The following NUBP1 variants were observed in gnomAD, a reference collection of about 807,000 sequenced individuals.
NUBP1 encodes the protein cytosolic Fe-S cluster assembly factor NUBP1.
In NUBP1, 46 loss-of-function variants were observed where a neutral mutation model predicts 41.8. The observed-to-expected ratio is 1.10, with a 90% CI of 0.87 to 1.41. The LOEUF (loss-of-function observed/expected upper bound fraction) is 1.41. NUBP1 is among the 40% of genes most tolerant of loss of function. The pLI, the probability that NUBP1 is intolerant of heterozygous loss-of-function variation, is 0.00. For synonymous variants in NUBP1, 189 were observed against 154.6 expected (o/e 1.22, Z -1.65); for missense variants, 494 against 414.0 (o/e 1.19, Z -1.68).
chr16:10,744,130 G>C (rs1043500721), intron 2 of NUBP1, 65 bp downstream of exon 2: 1 of 1,235,316 alleles, frequency 8.1e-7, no homozygotes, highest in African/African-American at 1.6e-5. Flanking sequence ...CGGGGCGTGG[G>C]AGGGAGGGGG....
In NUBP1 at chr16:10,759,843, C is replaced by T. The variant is rs1000498411; in HGVS notation, c.607-1521C>T. On this transcript the variant is annotated intron_variant, in intron 7 of 10. Transcript: ENST00000283027. The surrounding 1 kb of genome is among the most constrained non-coding windows in gnomAD (Gnocchi z 4.7). ...TGACTTTCTAGCTGAGCGCCCCTTCCTCCGCATCCCAGCCTCAGTGTCAAG... is the reference window on the plus strand; with the variant it reads ...TGACTTTCTAGCTGAGCGCCCCTTCTTCCGCATCCCAGCCTCAGTGTCAAG... Among the ~76,000 whole-genome samples the T allele has an allele frequency of 6.6e-6, 1 of 152,206 alleles. No homozygotes were observed. Among genetic ancestry groups the T allele is most frequent in the African/African-American group, 2.4e-5 (1 of 41,452 alleles).
chr16:10,748,472 C>T (rs984835221), intron 3 of NUBP1, among the ~76,000 whole-genome samples: 4 of 152,210 alleles, frequency 2.6e-5, no homozygotes, highest in South Asian at 2.1e-4. Flanking sequence ...GTTGGTGGGT[C>T]GCTAAGAGCA....
intron 9 of NUBP1, among the ~76,000 whole-genome samples, chr16:10,764,548 T>TGTCTATTG (rs2030558489): frequency 6.7e-6 from 1 of 148,330 alleles, no homozygotes. Context: ...CTGGAGTATT[T>TGTCTATTG]GTCTATTGGA....
In NUBP1 at chr16:10,763,291, C is replaced by T. The variant is rs186493435; in HGVS notation, c.820+1432C>T. On this transcript the variant is annotated intron_variant, in intron 9 of 10. Coordinates refer to ENST00000283027, the MANE Select transcript of NUBP1 (RefSeq NM_002484.4). The stretch of plus-strand genomic sequence containing the variant: ...GACATGGACAGGATTGCCAAGGGGC[C>T]GTGCAGAAAGCGGGAGCCAGGAGGA... Among the ~76,000 whole-genome samples, 65 of 151,916 alleles carry T rather than the reference C, an allele frequency of 4.3e-4. 1 individual carries two copies. The highest frequency in any genetic ancestry group is 4.2e-4 in the South Asian group (2 of 4,792).
chr16:10,765,327 TA>T lies in NUBP1; in HGVS notation c.821-2600del, dbSNP rs533208449. 0.031 allele frequency among the ~76,000 whole-genome samples: 3,471 copies of T among 111,226 alleles called. 45 individuals are homozygous for T. The highest frequency in any genetic ancestry group is 0.054 in the Middle Eastern group (10 of 186). The allele number at this position is 111,226 out of a possible 152,430, so 73.0% of individuals were successfully genotyped here. ...TAACACAGGAAGATACCTCATCTCT[TA>T]AAAAAAAAAAAAAAAAAAAAAGGAA... On this transcript the variant is annotated intron_variant, in intron 9 of 10. Transcript: ENST00000283027. This position sits in a 1 kb window ranked among gnomAD's most constrained non-coding sequence, Gnocchi z 4.0.
At chr16:10,755,837 G>C in intron 5 of NUBP1, 84 bp downstream of exon 5, 1 of 1,281,298 alleles carries the variant, frequency 7.8e-7, no homozygotes, top group African/African-American at 1.5e-5. Flanking sequence ...TGGTCCATAG[G>C]TATTTATTAG....
intron 9 of NUBP1, among the ~76,000 whole-genome samples, chr16:10,762,299 G>A (rs774951912): frequency 3.3e-5 from 5 of 152,202 alleles, no homozygotes; most frequent in Non-Finnish European, 7.4e-5. Context: ...CTCCAGCACC[G>A]GGACAGACCG....
Position 10,767,867 on chromosome 16 carries a change from A to G in NUBP1, c.821-82A>G. On this transcript the variant is annotated intron_variant, in intron 9 of 10. Coordinates refer to ENST00000283027, the MANE Select transcript of NUBP1 (RefSeq NM_002484.4). This position sits in a 1 kb window ranked among gnomAD's most constrained non-coding sequence, Gnocchi z 4.6. ...GGCTCAAGATCTTCCCATTGTCACC[A>G]GCACGGAAAGAGCCCCAAGATCTTG... 7.8e-7 allele frequency: 1 copy of G among 1,281,146 alleles called. No individual in the cohort carries two copies. Among genetic ancestry groups the G allele is most frequent in the South Asian group, 1.2e-5 (1 of 83,738 alleles). The allele number at this position is 1,281,146 out of a possible 1,614,324, so 79.4% of individuals were successfully genotyped here.
intron 7 of NUBP1, 25 bp from the exon 8 acceptor site, chr16:10,761,339 A>G (rs1201236221): frequency 6.2e-7 from 1 of 1,606,570 alleles, no homozygotes; most frequent in Non-Finnish European, 8.5e-7. Context: ...TGATGCTGGA[A>G]TCACTGGTCT....
Position 10,766,897 on chromosome 16 carries a change from AG to A in NUBP1, c.821-1051del, listed in dbSNP as rs1313835142. 2.5e-6 allele frequency: 1 copy of A among 398,652 alleles called. No homozygotes were observed. Among genetic ancestry groups the A allele is most frequent in the Admixed American group, 4.4e-5 (1 of 22,734 alleles). The allele number at this position is 398,652 out of a possible 1,614,324, so 24.7% of individuals were successfully genotyped here. A position where few individuals can be genotyped will look rare whatever the true frequency, so the allele number is the denominator to read the frequency against. On this transcript the variant is annotated intron_variant, in intron 9 of 10. Coordinates refer to ENST00000283027, the MANE Select transcript of NUBP1 (RefSeq NM_002484.4). The surrounding 1 kb of genome is among the most constrained non-coding windows in gnomAD (Gnocchi z 4.8). ...AGAGGACATTTCCTGTTATGGCTCA[AG>A]TGCGAATTGGCCTTATGTTCCCTGC... is the stretch of plus-strand genomic sequence containing the variant.
chr16:10,768,556 G>A lies in NUBP1; in HGVS notation c.905-491G>A, dbSNP rs560148015. The A allele has an allele frequency of 5.7e-5, 9 of 157,350 alleles. No homozygotes were observed. Among genetic ancestry groups the A allele is most frequent in the East Asian group, 5.6e-4 (3 of 5,340 alleles). 9.7% of individuals were successfully genotyped at this position (157,350 alleles called of 1,614,324 possible). Reference sequence around the variant, plus strand: ...TGGGAGGCGGAGGCTGCAGTAAGGCGAGATCGCGCCACTGCACTCCAGCCT... The same window carrying A: ...TGGGAGGCGGAGGCTGCAGTAAGGCAAGATCGCGCCACTGCACTCCAGCCT... On this transcript the variant is annotated intron_variant, in intron 10 of 10. Transcript: ENST00000283027. The surrounding 1 kb of genome is among the most constrained non-coding windows in gnomAD (Gnocchi z 4.3).
In NUBP1 at chr16:10,759,911, G is replaced by A. The variant is rs1900827271; in HGVS notation, c.607-1453G>A. ...AGGAAAAGAACAGGCCCAAAGCTGC[G>A]AGCCTTTCGGGCTCACGTGAGTGGT... is the stretch of plus-strand genomic sequence containing the variant. On this transcript the variant is annotated intron_variant, in intron 7 of 10. Transcript: ENST00000283027. The surrounding 1 kb of genome is among the most constrained non-coding windows in gnomAD (Gnocchi z 4.7). 6.6e-6 allele frequency among the ~76,000 whole-genome samples: 1 copy of A among 152,210 alleles called. No individual in the cohort carries two copies. Among genetic ancestry groups the A allele is most frequent in the Non-Finnish European group, 1.5e-5 (1 of 68,038 alleles).
rs922837582 is a variant in NUBP1, at chr16:10,766,823, A to G, written c.821-1126A>G. On this transcript the variant is annotated intron_variant, in intron 9 of 10. Transcript: ENST00000283027. This position sits in a 1 kb window ranked among gnomAD's most constrained non-coding sequence, Gnocchi z 4.8. ...ACTTGAGGTACGCCCTATATAAACGAAAAGGATGAAGTAAAGTTACAAAGT... is the reference window on the plus strand; with the variant it reads ...ACTTGAGGTACGCCCTATATAAACGGAAAGGATGAAGTAAAGTTACAAAGT... The G allele has an allele frequency of 2.3e-5, 9 of 397,638 alleles. No homozygotes were observed. The highest frequency in any genetic ancestry group is 6.2e-4 in the Middle Eastern group (1 of 1,610). 24.6% of individuals were successfully genotyped at this position (397,638 alleles called of 1,614,324 possible).
At chr16:10,762,767 C>T (rs114972618) in intron 9 of NUBP1, among the ~76,000 whole-genome samples, 121 of 147,004 alleles carry the variant, frequency 8.2e-4, no homozygotes, top group African/African-American at 2.9e-3. Context: ...AGAGAGGGGC[C>T]GGGCGGGTGA....
intron 9 of NUBP1, among the ~76,000 whole-genome samples, chr16:10,763,157 C>T (rs2030269565): frequency 6.6e-6 from 1 of 152,112 alleles, no homozygotes; most frequent in South Asian, 2.1e-4. Context: ...AGGCCGGGCC[C>T]TCTGGGGTGC....
chr16:10,749,124 C>CACAG lies in NUBP1; in HGVS notation c.258+1849_258+1850insCAGA, dbSNP rs1555472528. 5.0e-3 allele frequency among the ~76,000 whole-genome samples: 486 copies of CACAG among 97,330 alleles called. 5 individuals are homozygous for CACAG. Among genetic ancestry groups the CACAG allele is most frequent in the African/African-American group, 0.02 (471 of 23,608 alleles). 63.9% of individuals were successfully genotyped at this position (97,330 alleles called of 152,430 possible). ...AAGGATATAGATAGATACACAGACA[C>CACAG]ATACACACACACACACACACACACA... On this transcript the variant is annotated intron_variant, in intron 3 of 10. Coordinates refer to ENST00000283027, the MANE Select transcript of NUBP1 (RefSeq NM_002484.4). The surrounding 1 kb of genome is among the most constrained non-coding windows in gnomAD (Gnocchi z 4.1).
At chr16:10,758,126 T>G in intron 7 of NUBP1, 99 bp downstream of exon 7, 2 of 1,382,700 alleles carry the variant, frequency 1.4e-6, no homozygotes, top group Admixed American at 2.0e-5. Context: ...CCAAGGCTCT[T>G]CCCAGTGTGT....
At chr16:10,756,891 A>C in intron 6 of NUBP1, 111 bp downstream of exon 6, 1 of 793,568 alleles carries the variant, frequency 1.3e-6, no homozygotes, top group South Asian at 1.9e-5. Context: ...TTCACAGTAT[A>C]TTATTTTTAA....
chr16:10,745,889 C>T (rs571425318), intron 2 of NUBP1, among the ~76,000 whole-genome samples: 7 of 152,198 alleles, frequency 4.6e-5, no homozygotes, highest in African/African-American at 1.4e-4. Context: ...GTCAGTGTGG[C>T]GTTTAACAGA....
Sources: gnomAD v4.1 joint callset for allele counts (sites outside exome capture counted in the v4.1 genomes callset) on GRCh38, gnomAD v4.1.1 for gene constraint, Gnocchi (gnomAD v3.1) non-coding constraint, MANE v1.5 for transcripts, NCBI Gene and HGNC (gene_info 2026-07-23, HGNC 2026-07-21) for gene names.